The following INTS9 variants were observed in gnomAD, a reference collection of about 807,000 sequenced individuals.
INTS9 encodes the protein protein related to CPSF subunits of 74 kDa.
A neutral mutation model predicts 79.7 loss-of-function variants in INTS9; 55 were observed. That is an observed-to-expected ratio of 0.69 (90% CI 0.56 to 0.86). The LOEUF (loss-of-function observed/expected upper bound fraction) is 0.86. Ranked by LOEUF, INTS9 falls within the 40% of genes least tolerant of loss-of-function variation. The pLI is 0.00. For synonymous variants in INTS9, 319 were observed against 325.2 expected (o/e 0.98, Z 0.20); for missense variants, 721 against 831.5 (o/e 0.87, Z 1.64).
chr8:28,850,086 C>T lies in INTS9; in HGVS notation c.198+127G>A, dbSNP rs1004347415. The stretch of plus-strand genomic sequence containing the variant: ...ATGTTCTGAAGACCCTAGCATAGAT[C>T]TTGGGGATTTTCAGAGAGGAAAAAA... On this transcript the variant is annotated intron_variant, in intron 3 of 16. Coordinates refer to ENST00000521022, the MANE Select transcript of INTS9 (RefSeq NM_018250.4). 54 of 651,832 alleles carry T rather than the reference C, an allele frequency of 8.3e-5. No individual in the cohort carries two copies. In the Admixed American group the frequency reaches 1.4e-3, roughly 17 times the overall value. The allele number at this position is 651,832 out of a possible 1,614,324, so 40.4% of individuals were successfully genotyped here. A position where few individuals can be genotyped will look rare whatever the true frequency, so the allele number is the denominator to read the frequency against.
At chr8:28,848,026 A>C (rs1807624758) in intron 3 of INTS9, among the ~76,000 whole-genome samples, 1 of 152,232 alleles carries the variant, frequency 6.6e-6, no homozygotes, top group African/African-American at 2.4e-5. Flanking sequence ...GTGAAACAGC[A>C]AAGTCTGAGA....
Position 28,767,919 on chromosome 8 carries a change from C to A in INTS9, c.*227G>T. On this transcript the variant is annotated 3_prime_UTR_variant, in exon 17 of 17. Transcript: ENST00000521022. ...CCACCCTCCAGCTCCTTGAGAGAGC[C>A]AGAGTTGAGAAGAAAATGAGCCTGA... 1 of 528,698 alleles carries A rather than the reference C, an allele frequency of 1.9e-6. No individual in the cohort carries two copies. The highest frequency in any genetic ancestry group is 3.4e-6 in the Non-Finnish European group (1 of 293,916). 32.8% of individuals were successfully genotyped at this position (528,698 alleles called of 1,614,324 possible). A position where few individuals can be genotyped will look rare whatever the true frequency, so the allele number is the denominator to read the frequency against.
chr8:28,870,067 A>G (rs1310665759), intron 1 of INTS9, among the ~76,000 whole-genome samples: 3 of 152,106 alleles, frequency 2.0e-5, no homozygotes, highest in Non-Finnish European at 4.4e-5. Context: ...CGGAACCAAC[A>G]TGTTTGGCTA....
intron 6 of INTS9, among the ~76,000 whole-genome samples, chr8:28,829,131 T>G (rs1176812780): frequency 6.6e-6 from 1 of 152,248 alleles, no homozygotes; most frequent in African/African-American, 2.4e-5. Flanking sequence ...TGATTTATCC[T>G]TATTGTAATT....
At chr8:28,875,532 C>T (rs577031696) in intron 1 of INTS9, among the ~76,000 whole-genome samples, 7 of 152,050 alleles carry the variant, frequency 4.6e-5, no homozygotes, top group East Asian at 1.9e-4. Flanking sequence ...ATGTATAGGA[C>T]GTACAGGTTT....
chr8:28,786,557 T>C (rs1008159593), intron 11 of INTS9, among the ~76,000 whole-genome samples: 1 of 152,072 alleles, frequency 6.6e-6, no homozygotes, highest in Admixed American at 6.6e-5. Flanking sequence ...CCTCCCAAAG[T>C]GTTGGGATTA....
At chr8:28,777,221 T>C (rs573685613) in intron 13 of INTS9, among the ~76,000 whole-genome samples, 4 of 152,082 alleles carry the variant, frequency 2.6e-5, no homozygotes, top group Non-Finnish European at 5.9e-5. Flanking sequence ...TCCTCGCCGG[T>C]GTCAGCTGTC....
At chr8:28,857,415 G>C (rs1380547252) in intron 2 of INTS9, among the ~76,000 whole-genome samples, 1 of 152,186 alleles carries the variant, frequency 6.6e-6, no homozygotes, top group Non-Finnish European at 1.5e-5. Context: ...GTCATGTGGG[G>C]CCTAAGAGGT....
intron 10 of INTS9, among the ~76,000 whole-genome samples, chr8:28,790,161 G>A (rs1047270496): frequency 3.3e-5 from 5 of 152,154 alleles, no homozygotes; most frequent in South Asian, 2.1e-4. Flanking sequence ...ACAGCAGGCC[G>A]GGCCTGAGGC....
intron 6 of INTS9, among the ~76,000 whole-genome samples, chr8:28,817,233 C>T (rs1364102121): frequency 8.6e-5 from 13 of 151,568 alleles, no homozygotes; most frequent in Non-Finnish European, 1.3e-4. Context: ...CTTGCCCATG[C>T]CTATGTCCTG....
At chr8:28,784,938 T>A (rs1803492806) in intron 11 of INTS9, among the ~76,000 whole-genome samples, 1 of 152,198 alleles carries the variant, frequency 6.6e-6, no homozygotes, top group Non-Finnish European at 1.5e-5. Flanking sequence ...ATGGAGTACA[T>A]CTATCTGTCA....
At chr8:28,800,753 GC>G (rs1237550057) in intron 8 of INTS9, among the ~76,000 whole-genome samples, 6 of 152,136 alleles carry the variant, frequency 3.9e-5, no homozygotes, top group African/African-American at 1.4e-4. Flanking sequence ...TTCTCCTATA[GC>G]CTAGTTAACT....
At position 28,767,952 on chromosome 8, in the gene INTS9, A is replaced by T. The variant is rs1802304810; in HGVS notation, c.*194T>A. 18 of 607,364 alleles carry T rather than the reference A, an allele frequency of 3.0e-5. No individual in the cohort carries two copies. The highest frequency in any genetic ancestry group is 8.7e-5 in the Admixed American group (3 of 34,662). 37.6% of individuals were successfully genotyped at this position (607,364 alleles called of 1,614,324 possible). ...AGAAGAAAATGAGCCTGAAGTTGAA[A>T]GGGAAAGTTCTTGCCTGAAACAGTG... On this transcript the variant is annotated 3_prime_UTR_variant, in exon 17 of 17. Coordinates refer to ENST00000521022, the MANE Select transcript of INTS9 (RefSeq NM_018250.4).
chr8:28,862,306 T>C, intron 1 of INTS9: 3 of 859,372 alleles, frequency 3.5e-6, no homozygotes, highest in Non-Finnish European at 2.8e-6. Context: ...TTTTTTCATA[T>C]TTGTAAAAGC....
chr8:28,800,726 A>T (rs1304679739), intron 8 of INTS9, among the ~76,000 whole-genome samples: 2 of 152,198 alleles, frequency 1.3e-5, no homozygotes, highest in African/African-American at 2.4e-5. Flanking sequence ...CTATTATAAC[A>T]TCTGTAAATT....
intron 8 of INTS9, among the ~76,000 whole-genome samples, chr8:28,804,071 G>A (rs929111287): frequency 1.3e-5 from 2 of 152,114 alleles, no homozygotes; most frequent in African/African-American, 4.8e-5. Context: ...CCACAGGTAT[G>A]TGCCACCACG....
Position 28,880,034 on chromosome 8 carries a change from T to C in INTS9, c.9+9840A>G, listed in dbSNP as rs540064251. On this transcript the variant is annotated intron_variant, in intron 1 of 16. Transcript: ENST00000521022. ...ATGCAAGAATTTTACATATTACATATTACACCTCAAAAAAGCTGTTTAAAC... is the reference window on the plus strand; with the variant it reads ...ATGCAAGAATTTTACATATTACATACTACACCTCAAAAAAGCTGTTTAAAC... 3.4e-4 allele frequency among the ~76,000 whole-genome samples: 52 copies of C among 152,022 alleles called. No individual in the cohort carries two copies. The South Asian group carries it at 0.01, about 30-fold the overall frequency.
intron 6 of INTS9, among the ~76,000 whole-genome samples, chr8:28,816,453 T>C (rs1805486988): frequency 6.6e-6 from 1 of 151,688 alleles, no homozygotes; most frequent in African/African-American, 2.4e-5. Context: ...GATTTCCAAT[T>C]TCGTCCATGT....
intron 6 of INTS9, among the ~76,000 whole-genome samples, chr8:28,828,170 A>G (rs1371727353): frequency 6.6e-6 from 1 of 152,228 alleles, no homozygotes; most frequent in Non-Finnish European, 1.5e-5. Flanking sequence ...TTTTACAGAA[A>G]AGGAGATTGA....
Sources: gnomAD v4.1 joint callset for allele counts (sites outside exome capture counted in the v4.1 genomes callset) on GRCh38, gnomAD v4.1.1 for gene constraint, MANE v1.5 for transcripts, NCBI Gene and HGNC (gene_info 2026-07-23, HGNC 2026-07-21) for gene names.